The following KLF12 variants were observed in gnomAD, a reference collection of about 807,000 sequenced individuals.
KLF12 encodes the protein Krueppel-like factor 12.
Under a neutral mutation model 37.8 loss-of-function variants are expected in KLF12, and 9 were observed. The observed-to-expected ratio is 0.24, with a 90% CI of 0.14 to 0.42. The LOEUF (loss-of-function observed/expected upper bound fraction) is 0.42, where lower values mean the gene tolerates loss of function less well. KLF12 is among the 10% of genes least tolerant of loss of function. KLF12 has a pLI of 1.00. For missense variants in KLF12, 411 were observed against 516.0 expected (o/e 0.80, Z 1.97); for synonymous variants, 208 against 202.1 (o/e 1.03, Z -0.25).
chr13:74,030,710 A>T (rs575059685), intron 1 of KLF12, among the ~76,000 whole-genome samples: 1 of 152,280 alleles, frequency 6.6e-6, no homozygotes, highest in African/African-American at 2.4e-5. Flanking sequence ...TACAAGCCAC[A>T]AAAGTAGCAT....
At chr13:74,093,025 G>A (rs1764600929) in intron 1 of KLF12, among the ~76,000 whole-genome samples, 1 of 152,208 alleles carries the variant, frequency 6.6e-6, no homozygotes, top group South Asian at 2.1e-4. Flanking sequence ...GGAATTTAAT[G>A]TGGATCAGAG....
intron 3 of KLF12, among the ~76,000 whole-genome samples, chr13:73,846,820 A>G (rs1885053229): frequency 6.6e-6 from 1 of 152,158 alleles, no homozygotes; most frequent in African/African-American, 2.4e-5. Flanking sequence ...CTGAGCATTA[A>G]AAAAGGGCAT....
chr13:73,774,889 G>A (rs1880507256), intron 5 of KLF12, among the ~76,000 whole-genome samples: 1 of 149,152 alleles, frequency 6.7e-6, no homozygotes. Flanking sequence ...GTCTGTGTGT[G>A]CATATATATG....
chr13:74,100,949 AG>A (rs1876306777), intron 1 of KLF12, among the ~76,000 whole-genome samples: 3 of 152,278 alleles, frequency 2.0e-5, no homozygotes, highest in Admixed American at 2.0e-4. Context: ...AATTGCCTTC[AG>A]CTCCCTGTCA....
chr13:74,279,667 C>T, the KLF12 span, among the ~76,000 whole-genome samples: 1 of 152,162 alleles, frequency 6.6e-6, no homozygotes, highest in East Asian at 1.9e-4. Flanking sequence ...AATGGTAAAA[C>T]ACATGTCAGT....
intron 6 of KLF12, among the ~76,000 whole-genome samples, chr13:73,752,733 T>A (rs868523352): frequency 0.028 from 3,687 of 132,224 alleles, 164 homozygotes; most frequent in African/African-American, 0.1. Context: ...CATATATATT[T>A]TTTTTTTTTT....
chr13:73,941,787 C>A (rs1243787751), intron 3 of KLF12, among the ~76,000 whole-genome samples: 2 of 151,914 alleles, frequency 1.3e-5, no homozygotes, highest in Non-Finnish European at 2.9e-5. Flanking sequence ...TGAAGCTTTG[C>A]TACAAAAGAG....
intron 3 of KLF12, among the ~76,000 whole-genome samples, chr13:73,878,304 A>C (rs1424972078): frequency 6.6e-6 from 1 of 152,228 alleles, no homozygotes; most frequent in Admixed American, 6.5e-5. Context: ...GCTAATAAAA[A>C]GGGAAAAACC....
At chr13:73,992,986 C>T (rs1156260050) in intron 2 of KLF12, among the ~76,000 whole-genome samples, 2 of 152,200 alleles carry the variant, frequency 1.3e-5, no homozygotes, top group African/African-American at 2.4e-5. Flanking sequence ...AATCCCAACA[C>T]ATTGGGAGGC....
intron 1 of KLF12, among the ~76,000 whole-genome samples, chr13:74,122,551 A>C (rs1431337496): frequency 6.6e-6 from 1 of 152,108 alleles, no homozygotes; most frequent in East Asian, 1.9e-4. Flanking sequence ...CTGGGAATCT[A>C]TTCTTTAGGT....
intron 1 of KLF12, among the ~76,000 whole-genome samples, chr13:74,035,336 G>A (rs908434091): frequency 3.3e-5 from 5 of 151,902 alleles, no homozygotes; most frequent in African/African-American, 2.4e-5. Context: ...TTTCAATTTC[G>A]GTTGGTGGAA....
chr13:74,082,419 G>A (rs1223732841), intron 1 of KLF12, among the ~76,000 whole-genome samples: 1 of 152,110 alleles, frequency 6.6e-6, no homozygotes, highest in Non-Finnish European at 1.5e-5. Context: ...TTATACTATA[G>A]GTAGCTAAGA....
chr13:74,168,250 C>T, the KLF12 span, among the ~76,000 whole-genome samples: 1 of 152,208 alleles, frequency 6.6e-6, no homozygotes, highest in Non-Finnish European at 1.5e-5. Flanking sequence ...CGTCTTCTCA[C>T]AGGGGACCCA....
intron 6 of KLF12, among the ~76,000 whole-genome samples, chr13:73,759,263 G>C (rs184406297): frequency 3.7e-4 from 57 of 152,190 alleles, no homozygotes; most frequent in African/African-American, 1.3e-3. Context: ...GACCATGAAG[G>C]CTTTGCATTC....
At chr13:73,706,343 A>T (rs1874947560) in intron 7 of KLF12, among the ~76,000 whole-genome samples, 1 of 152,234 alleles carries the variant, frequency 6.6e-6, no homozygotes, top group Non-Finnish European at 1.5e-5. Context: ...CTTATTTTTA[A>T]TTGATAGGTT....
chr13:74,289,280 A>G, the KLF12 span: 1 of 152,232 alleles, frequency 6.6e-6, no homozygotes, highest in African/African-American at 2.4e-5. Flanking sequence ...TGGTAACTAA[A>G]TGAGAATGTC....
chr13:73,919,982 G>A (rs753250780), intron 3 of KLF12, among the ~76,000 whole-genome samples: 3 of 152,166 alleles, frequency 2.0e-5, no homozygotes, highest in Middle Eastern at 3.4e-3. Context: ...TAGTTACCCC[G>A]CATTCCACTG....
chr13:74,099,941 AT>A (rs1435182475), intron 1 of KLF12, among the ~76,000 whole-genome samples: 1 of 152,222 alleles, frequency 6.6e-6, no homozygotes, highest in Non-Finnish European at 1.5e-5. Context: ...ACATTCCTGT[AT>A]TTTGTGCCCA....
At chr13:73,786,728 A>G (rs1267991694) in intron 5 of KLF12, among the ~76,000 whole-genome samples, 1 of 147,876 alleles carries the variant, frequency 6.8e-6, no homozygotes, top group Admixed American at 6.8e-5. Flanking sequence ...ACTATGCAAA[A>G]AATACGAAAA....
Sources: gnomAD v4.1 joint callset for allele counts (sites outside exome capture counted in the v4.1 genomes callset) on GRCh38, gnomAD v4.1.1 for gene constraint, MANE v1.5 for transcripts, NCBI Gene and HGNC (gene_info 2026-07-23, HGNC 2026-07-21) for gene names.